OCA2: variants seen among roughly 807,000 people sequenced by gnomAD.
OCA2 encodes the protein OCA2 melanosomal transmembrane protein.
Under a neutral mutation model 100.2 loss-of-function variants are expected in OCA2, and 77 were observed. The observed-to-expected ratio is 0.77, with a 90% CI of 0.64 to 0.93. OCA2 has a LOEUF of 0.93. Among genes scored for constraint, OCA2 ranks in the 40% least tolerant of loss-of-function variants. The probability of loss-of-function intolerance (pLI) is 0.00; values close to 1 mark genes in which losing one functional copy is unlikely to be tolerated. For missense variants in OCA2, 1,062 were observed against 1,089.1 expected, an observed-to-expected ratio of 0.98 and a Z score of 0.35; for synonymous variants, 432 against 439.2, an observed-to-expected ratio of 0.98 and a Z score of 0.21.
intron 23 of OCA2, among the ~76,000 whole-genome samples, chr15:27,818,080 AC>A (rs2034370505): frequency 6.6e-6 from 1 of 152,228 alleles, no homozygotes; most frequent in African/African-American, 2.4e-5. Context: ...ATTATCAGGT[AC>A]TAGAATACTT....
intron 23 of OCA2, among the ~76,000 whole-genome samples, chr15:27,787,951 AT>A (rs914069008): frequency 2.6e-5 from 4 of 151,864 alleles, no homozygotes; most frequent in Non-Finnish European, 5.9e-5. Flanking sequence ...TGTTCAAAAT[AT>A]TTTCTTTCTT....
intron 19 of OCA2, among the ~76,000 whole-genome samples, chr15:27,902,795 T>C (rs964063758): frequency 6.6e-6 from 1 of 152,210 alleles, no homozygotes; most frequent in African/African-American, 2.4e-5. Flanking sequence ...AAACACTACG[T>C]GCAGCCGACC....
At position 27,913,892 on chromosome 15, in the gene OCA2, A is replaced by AAAGAAAGC. The variant is rs2038538889; in HGVS notation, c.2079+12234_2079+12235insGCTTTCTT. 4.4e-3 allele frequency among the ~76,000 whole-genome samples: 166 copies of AAAGAAAGC among 37,368 alleles called. 3 individuals carry two copies. Among genetic ancestry groups the AAAGAAAGC allele is most frequent in the African/African-American group, 5.0e-3 (35 of 6,990 alleles). 24.5% of individuals were successfully genotyped at this position (37,368 alleles called of 152,430 possible). A position where few individuals can be genotyped will look rare whatever the true frequency, so the allele number is the denominator to read the frequency against. ...GAAAGAAAGAAAGAAAGAAAGAAAG[A>AAAGAAAGC]AAGCAAGCAAGCAAGCAAGCAAGCA... On this transcript the variant is annotated intron_variant, in intron 19 of 23. Transcript: ENST00000354638.
At chr15:28,004,924 C>A (rs149294838) in intron 9 of OCA2, among the ~76,000 whole-genome samples, 260 of 152,302 alleles carry the variant, frequency 1.7e-3, no homozygotes, top group African/African-American at 6.1e-3. Context: ...CTTTTGATGA[C>A]AGACAAGGCC....
intron 21 of OCA2, among the ~76,000 whole-genome samples, chr15:27,862,001 C>T (rs544461665): frequency 2.6e-5 from 4 of 152,340 alleles, no homozygotes; most frequent in East Asian, 1.9e-4. Flanking sequence ...CACGGCGTCA[C>T]GTGGAAAGTG....
At chr15:27,720,769 G>C in the OCA2 span, among the ~76,000 whole-genome samples, 1 of 152,030 alleles carries the variant, frequency 6.6e-6, no homozygotes, top group Non-Finnish European at 1.5e-5. Context: ...TTGACCAAAT[G>C]GTATACTGTG....
intron 14 of OCA2, among the ~76,000 whole-genome samples, chr15:27,979,875 T>TG (rs938737237): frequency 6.8e-6 from 1 of 147,842 alleles, no homozygotes; most frequent in African/African-American, 2.5e-5. Context: ...AGTGTTTTTT[T>TG]TTTTTTTTTT....
At chr15:28,033,044 TG>T (rs1471297084) in intron 2 of OCA2, among the ~76,000 whole-genome samples, 1 of 152,224 alleles carries the variant, frequency 6.6e-6, no homozygotes, top group Non-Finnish European at 1.5e-5. Flanking sequence ...CTGGGCAGGA[TG>T]GTCCTCCACC....
intron 9 of OCA2, among the ~76,000 whole-genome samples, chr15:28,005,076 G>C (rs2042051742): frequency 6.6e-6 from 1 of 152,128 alleles, no homozygotes; most frequent in Non-Finnish European, 1.5e-5. Flanking sequence ...CTGCGAGCTG[G>C]ACCGTGGTGT....
Position 27,904,398 on chromosome 15 carries a change from G to C in OCA2, c.2079+21729C>G, listed in dbSNP as rs1311731963. Reference sequence around the variant, plus strand: ...ATGCGCAGATGAGCTTTGGAGGACGGAAGAACTGCACACTACAGTGCGGGG... The same window carrying C: ...ATGCGCAGATGAGCTTTGGAGGACGCAAGAACTGCACACTACAGTGCGGGG... On this transcript the variant is annotated intron_variant, in intron 19 of 23. Transcript: ENST00000354638. 2.6e-5 allele frequency among the ~76,000 whole-genome samples: 4 copies of C among 152,204 alleles called. No individual in the cohort carries two copies. In the South Asian group the frequency reaches 8.3e-4, roughly 31 times the overall value.
intron 2 of OCA2, among the ~76,000 whole-genome samples, chr15:28,079,930 G>A (rs1480427233): frequency 6.6e-6 from 1 of 152,192 alleles, no homozygotes. Context: ...CCTCCTGCCT[G>A]TGGAGCTCAT....
intron 19 of OCA2, among the ~76,000 whole-genome samples, chr15:27,913,901 AAGCAAGCAAGCAAGCAAGCAAGC>A (rs1567098785): frequency 0.013 from 442 of 34,762 alleles, 37 homozygotes; most frequent in East Asian, 0.053. Context: ...GAAAGCAAGC[AAGCAAGCAAGCAAGCAAGCAAGC>A]AAGCAAGAAA....
chr15:27,788,770 A>AT lies in OCA2; in HGVS notation c.2433-33299dup, dbSNP rs879488578. ...TATTTTGCTGTTTTCTATGTCTCAC[A>AT]TTTTTTTTTGTTCCTGTTTCTTTTT... On this transcript the variant is annotated intron_variant, in intron 23 of 23. Coordinates refer to ENST00000354638, the MANE Select transcript of OCA2 (RefSeq NM_000275.3). Among the ~76,000 whole-genome samples the AT allele has an allele frequency of 1.4e-4, 21 of 150,728 alleles. No homozygotes were observed. The East Asian group carries it at 1.7e-3, about 13-fold the overall frequency.
At chr15:27,810,473 A>C (rs2034032108) in intron 23 of OCA2, among the ~76,000 whole-genome samples, 1 of 152,234 alleles carries the variant, frequency 6.6e-6, no homozygotes, top group South Asian at 2.1e-4. Context: ...TAAGACCCCA[A>C]AAGCAAATGT....
At chr15:28,064,458 C>T (rs1242049365) in intron 2 of OCA2, among the ~76,000 whole-genome samples, 3 of 151,946 alleles carry the variant, frequency 2.0e-5, no homozygotes, top group Non-Finnish European at 4.4e-5. Context: ...CACATTTCTT[C>T]ATTCTTTTTT....
chr15:27,913,874 A>G lies in OCA2; in HGVS notation c.2079+12253T>C, dbSNP rs370749616. 0.046 allele frequency among the ~76,000 whole-genome samples: 2,795 copies of G among 60,108 alleles called. 301 individuals are homozygous for G. In the East Asian group the frequency reaches 0.51, roughly 11 times the overall value. 39.4% of individuals were successfully genotyped at this position (60,108 alleles called of 152,430 possible). ...AAGAAAGAAAGAAAGAAAGAAAGAA[A>G]GAAAGAAAGAAAGAAAGAAAGCAAG... On this transcript the variant is annotated intron_variant, in intron 19 of 23. Transcript: ENST00000354638.
At chr15:27,843,786 C>G (rs953985190) in intron 23 of OCA2, among the ~76,000 whole-genome samples, 2 of 152,140 alleles carry the variant, frequency 1.3e-5, no homozygotes, top group African/African-American at 4.8e-5. Flanking sequence ...GTTCAAAGAG[C>G]CTGCTGTGTG....
At position 28,081,847 on chromosome 15, in the gene OCA2, G is replaced by A. The variant is rs554862186; in HGVS notation, c.28C>T (p.Arg10Trp). 136 of 1,611,160 alleles carry A rather than the reference G, an allele frequency of 8.4e-5. No homozygotes were observed. The East Asian group carries it at 2.8e-3, about 33-fold the overall frequency. Residue 10 changes from arginine (R) to tryptophan (W), a missense_variant, in exon 2 of 24, where the codon CGG becomes TGG. Physicochemically the swap from Arg to Trp is moderately radical, Grantham distance 101. Transcript: ENST00000354638. MHLEGRDGR[R>W]YPGAPAVELL... ...TCCACCGCCGGCGCGCCGGGGTACC[G>A]CCTGCCGTCTCTGCCCTCCAGATGC...
intron 18 of OCA2, among the ~76,000 whole-genome samples, chr15:27,931,585 C>G (rs1463582711): frequency 2.0e-5 from 3 of 152,148 alleles, no homozygotes; most frequent in Admixed American, 6.5e-5. Flanking sequence ...ATCCACCAGC[C>G]TCAGCCTCCC....
Sources: gnomAD v4.1 joint callset for allele counts (sites outside exome capture counted in the v4.1 genomes callset) on GRCh38, gnomAD v4.1.1 for gene constraint, MANE v1.5 for transcripts, NCBI Gene and HGNC (gene_info 2026-07-23, HGNC 2026-07-21) for gene names.